GTPBP2: variants seen among roughly 807,000 people sequenced by gnomAD.
The protein encoded by GTPBP2 is GTP binding protein 2.
A neutral mutation model predicts 63.0 loss-of-function variants in GTPBP2; 32 were observed. The observed-to-expected ratio is 0.51, with a 90% CI of 0.38 to 0.68. The LOEUF is 0.68. Among genes scored for constraint, GTPBP2 ranks in the 30% least tolerant of loss-of-function variants. GTPBP2 has a pLI of 0.00. For synonymous variants in GTPBP2, 310 were observed against 322.6 expected, an observed-to-expected ratio of 0.96 and a Z score of 0.42; for missense variants, 492 against 796.9, an observed-to-expected ratio of 0.62 and a Z score of 4.61.
At position 43,625,039 on chromosome 6, in the gene GTPBP2, C is replaced by G; in HGVS notation, c.729G>C (p.Arg243=). 5 of 1,613,838 alleles carry G rather than the reference C, an allele frequency of 3.1e-6. No homozygotes were observed. Among genetic ancestry groups the G allele is most frequent in the Non-Finnish European group, 4.2e-6 (5 of 1,179,990 alleles). The change falls in exon 6 of 12, where the codon CGG becomes CGC. Residue 243 remains arginine (R), a synonymous_variant. Coordinates refer to ENST00000307126, the MANE Select transcript of GTPBP2 (RefSeq NM_019096.5). This position sits in a 1 kb window ranked among gnomAD's most constrained non-coding sequence, Gnocchi z 5.1. ...TGCTCTCACAGATCTCTTCTGCTGT[C>G]CGTGAGTCGCTGTAATTCACCACCT... ...KGEVVNYSDS[R]TAEEICESSS...
rs1056955077 is a variant in GTPBP2, at chr6:43,626,870, C to A, written c.213+52G>T. The A allele has an allele frequency of 7.3e-7, 1 of 1,361,354 alleles. No homozygotes were observed. The highest frequency in any genetic ancestry group is 1.0e-6 in the Non-Finnish European group (1 of 975,684). The allele number at this position is 1,361,354 out of a possible 1,614,324, so 84.3% of individuals were successfully genotyped here. ...GAAAGAAAAAAGAAATTATCCCACA[C>A]TGGCAAGGACAACCTACCCCAGCCC... On this transcript the variant is annotated intron_variant, in intron 2 of 11. Transcript: ENST00000307126. This position sits in a 1 kb window ranked among gnomAD's most constrained non-coding sequence, Gnocchi z 4.0.
intron 9 of GTPBP2, chr6:43,623,333 T>C (rs1343556901): frequency 1.1e-5 from 2 of 185,812 alleles, no homozygotes; most frequent in African/African-American, 4.7e-5. Context: ...GAGGTTGCAG[T>C]GAGCCAAGAT....
At chr6:43,630,125 A>G (rs1477780829), upstream of GTPBP2, among the ~76,000 whole-genome samples, 2 of 152,196 alleles carry the variant, frequency 1.3e-5, no homozygotes, top group African/African-American at 2.4e-5. Flanking sequence ...GGTTACACCA[A>G]CCACCACGAG....
In GTPBP2 at chr6:43,624,780, G is replaced by A. The variant is rs757753715; in HGVS notation, c.881-51C>T. 1.3e-6 allele frequency: 2 copies of A among 1,588,298 alleles called. No homozygotes were observed. The highest frequency in any genetic ancestry group is 1.7e-6 in the Non-Finnish European group (2 of 1,157,552). On this transcript the variant is annotated intron_variant, in intron 6 of 11. Transcript: ENST00000307126. The surrounding 1 kb of genome is among the most constrained non-coding windows in gnomAD (Gnocchi z 5.1). ...AGGAGAGAAGAGTGAGAATGCAGGA[G>A]GGAGGAGAGGGAAGAAGAGGAGCAT...
In GTPBP2 at chr6:43,621,071, A is replaced by G. The variant is rs1561921149; in HGVS notation, c.*543T>C. 7.2e-6 allele frequency: 2 copies of G among 276,786 alleles called. No individual in the cohort carries two copies. Among genetic ancestry groups the G allele is most frequent in the Non-Finnish European group, 7.2e-6 (1 of 138,542 alleles). 17.1% of individuals were successfully genotyped at this position (276,786 alleles called of 1,614,324 possible). On this transcript the variant is annotated 3_prime_UTR_variant, in exon 12 of 12. Transcript: ENST00000307126. ...CCTCAGGCCTCAGCACAGGGTGGCA[A>G]CACTACCATTCACTGTCCCTGTGCC... is the stretch of plus-strand genomic sequence containing the variant.
upstream of GTPBP2, chr6:43,629,472 G>T: frequency 1.8e-6 from 1 of 569,778 alleles, no homozygotes; most frequent in Non-Finnish European, 3.1e-6. Flanking sequence ...GCGCCTTGGC[G>T]CGCAAAGGCT....
At position 43,625,170 on chromosome 6, in the gene GTPBP2, C is replaced by T. The variant is rs1769197244; in HGVS notation, c.706-108G>A. ...GGGTGACCCTGCCTCTTAATCTTGA[C>T]CCCATTTTTTATTTAATTTAGTTGA... is the stretch of plus-strand genomic sequence containing the variant. On this transcript the variant is annotated intron_variant, in intron 5 of 11. Coordinates refer to ENST00000307126, the MANE Select transcript of GTPBP2 (RefSeq NM_019096.5). This position sits in a 1 kb window ranked among gnomAD's most constrained non-coding sequence, Gnocchi z 5.1. The T allele has an allele frequency of 2.6e-6, 3 of 1,153,614 alleles. No homozygotes were observed. Among genetic ancestry groups the T allele is most frequent in the Non-Finnish European group, 3.7e-6 (3 of 801,522 alleles). The allele number at this position is 1,153,614 out of a possible 1,614,324, so 71.5% of individuals were successfully genotyped here. A position where few individuals can be genotyped will look rare whatever the true frequency, so the allele number is the denominator to read the frequency against.
Position 43,623,000 on chromosome 6 carries a change from C to A in GTPBP2, c.1296-196G>T. 1.7e-6 allele frequency: 1 copy of A among 574,274 alleles called. No homozygotes were observed. The highest frequency in any genetic ancestry group is 3.1e-6 in the Non-Finnish European group (1 of 321,502). 35.6% of individuals were successfully genotyped at this position (574,274 alleles called of 1,614,324 possible). On this transcript the variant is annotated intron_variant, in intron 9 of 11. Transcript: ENST00000307126. The surrounding 1 kb of genome is among the most constrained non-coding windows in gnomAD (Gnocchi z 5.4). ...GAAGACTAATTTCATAAAAGGCCAGCAGTGATGGTGGACAGAGAGACACTT... is the reference window on the plus strand; with the variant it reads ...GAAGACTAATTTCATAAAAGGCCAGAAGTGATGGTGGACAGAGAGACACTT...
intron 1 of GTPBP2, chr6:43,628,470 CTGTGTGTGTGTGTGTGTG>C (rs60906505): frequency 4.9e-5 from 21 of 432,932 alleles, no homozygotes; most frequent in Non-Finnish European, 6.1e-5. Context: ...CTGGCTTAGG[CTGTGTGTGTGTGTGTGTG>C]TGTGTGTGTG....
rs1769030051 is a variant in GTPBP2, at chr6:43,623,719, G to C, written c.1295+18C>G. 1 of 1,592,112 alleles carries C rather than the reference G, an allele frequency of 6.3e-7. No homozygotes were observed. The highest frequency in any genetic ancestry group is 8.6e-7 in the Non-Finnish European group (1 of 1,160,096). ...AGGTGAGGGCTGAGTGGGGAGGGTA[G>C]CAAGCAAGACAATTTACCTGGAAAG... On this transcript the variant is annotated intron_variant, in intron 9 of 11. Coordinates refer to ENST00000307126, the MANE Select transcript of GTPBP2 (RefSeq NM_019096.5).
rs1325757425 is a variant in GTPBP2 at position 43,625,081 on chromosome 6, C to T, written c.706-19G>A. 6.2e-7 allele frequency: 1 copy of T among 1,610,962 alleles called. No homozygotes were observed. The highest frequency in any genetic ancestry group is 1.1e-5 in the South Asian group (1 of 90,936). ...TCACCACCTGGCCCAGGGCCCAGGG[C>T]CCTCAGTGCCTCCTGCCAGCCCTTC... On this transcript the variant is annotated intron_variant, in intron 5 of 11. Transcript: ENST00000307126. The surrounding 1 kb of genome is among the most constrained non-coding windows in gnomAD (Gnocchi z 5.1).
rs1003486908 is a variant in GTPBP2 at position 43,624,095 on chromosome 6, G to A, written c.1101-27C>T. 6.3e-7 allele frequency: 1 copy of A among 1,590,082 alleles called. No individual in the cohort carries two copies. Among genetic ancestry groups the A allele is most frequent in the Non-Finnish European group, 8.6e-7 (1 of 1,165,748 alleles). On this transcript the variant is annotated intron_variant, in intron 7 of 11. Transcript: ENST00000307126. The surrounding 1 kb of genome is among the most constrained non-coding windows in gnomAD (Gnocchi z 5.1). ...TGTAGAGGGAGGCATGGAATGGACAGATGAAGACAGTCCAAACAGGAGGCA... is the reference window on the plus strand; with the variant it reads ...TGTAGAGGGAGGCATGGAATGGACAAATGAAGACAGTCCAAACAGGAGGCA...
chr6:43,621,304 G>A lies in GTPBP2; in HGVS notation c.*310C>T, dbSNP rs1304643186. 5.2e-5 allele frequency: 41 copies of A among 781,784 alleles called. 1 individual carries two copies. Among genetic ancestry groups the A allele is most frequent in the South Asian group, 5.0e-4 (32 of 64,462 alleles). 48.4% of individuals were successfully genotyped at this position (781,784 alleles called of 1,614,324 possible). On this transcript the variant is annotated 3_prime_UTR_variant, in exon 12 of 12. Transcript: ENST00000307126. ...CATGCCCAGTCTTAGTAGTGGGGAC[G>A]AAGAATTGATGAGTGGATCCAGTCA...
Position 43,625,733 on chromosome 6 carries a change from G to A in GTPBP2, c.507+23C>T, listed in dbSNP as rs756045271. 6.4e-7 allele frequency: 1 copy of A among 1,558,632 alleles called. No individual in the cohort carries two copies. Among genetic ancestry groups the A allele is most frequent in the South Asian group, 1.1e-5 (1 of 90,044 alleles). On this transcript the variant is annotated intron_variant, in intron 4 of 11. Transcript: ENST00000307126. The surrounding 1 kb of genome is among the most constrained non-coding windows in gnomAD (Gnocchi z 5.1). Reference sequence around the variant, plus strand: ...GCCCTTCCACAGTGTGGACATGAGAGACAGGGATGGGTGTGTGCTCACCTG... The same window carrying A: ...GCCCTTCCACAGTGTGGACATGAGAAACAGGGATGGGTGTGTGCTCACCTG...
At position 43,625,407 on chromosome 6, in the gene GTPBP2, A is replaced by C; in HGVS notation, c.661T>G (p.Ser221Ala). 6.2e-7 allele frequency: 1 copy of C among 1,614,038 alleles called. No individual in the cohort carries two copies. Among genetic ancestry groups the C allele is most frequent in the Non-Finnish European group, 8.5e-7 (1 of 1,180,008 alleles). ...HLHEIQSGRT[S>A]SISFEILGFN... ...CCCAGGATCTCGAAGCTGATGCTGG[A>C]GGTTCGGCCAGACTGAATCTCATGC... is the stretch of plus-strand genomic sequence containing the variant. The change falls in exon 5 of 12, where the codon TCC becomes GCC. Residue 221 changes from serine (S) to alanine (A), a missense_variant. Transcript: ENST00000307126. The surrounding 1 kb of genome is among the most constrained non-coding windows in gnomAD (Gnocchi z 5.1).
In GTPBP2 at chr6:43,629,202, ACCG is replaced by A. The variant is rs1219369252; in HGVS notation, c.-43_-41del. 2.8e-6 allele frequency: 3 copies of A among 1,066,800 alleles called. No individual in the cohort carries two copies. Among genetic ancestry groups the A allele is most frequent in the Non-Finnish European group, 3.5e-6 (3 of 860,338 alleles). The allele number at this position is 1,066,800 out of a possible 1,614,324, so 66.1% of individuals were successfully genotyped here. On this transcript the variant is annotated 5_prime_UTR_variant, in exon 1 of 12. Transcript: ENST00000307126. ...AGCCCCCCGCCCGGCCCCTCCCCCG[ACCG>A]CCGCCGCCGTCGCCGCCGCCCTTAC...
In GTPBP2 at chr6:43,624,464, G is replaced by T; in HGVS notation, c.1100+46C>A. 8 of 1,399,388 alleles carry T rather than the reference G, an allele frequency of 5.7e-6. No individual in the cohort carries two copies. Among genetic ancestry groups the T allele is most frequent in the Non-Finnish European group, 8.1e-6 (8 of 992,942 alleles). 86.7% of individuals were successfully genotyped at this position (1,399,388 alleles called of 1,614,324 possible). On this transcript the variant is annotated intron_variant, in intron 7 of 11. Transcript: ENST00000307126. The surrounding 1 kb of genome is among the most constrained non-coding windows in gnomAD (Gnocchi z 5.1). ...CATGCTTCTGGGCCCTGGGCTCTGT[G>T]GCAGCCTTCCTAGTGGATCAGGGCT...
chr6:43,628,526 C>T lies in GTPBP2; in HGVS notation c.186+451G>A, dbSNP rs1016735472. 6 of 964,818 alleles carry T rather than the reference C, an allele frequency of 6.2e-6. No homozygotes were observed. In the African/African-American group the frequency reaches 1.1e-4, roughly 17 times the overall value. The allele number at this position is 964,818 out of a possible 1,614,324, so 59.8% of individuals were successfully genotyped here. On this transcript the variant is annotated intron_variant, in intron 1 of 11. Transcript: ENST00000307126. ...TGTGTAGTGAACATACTGCTCTTTT[C>T]CCGAGTACTGTGTGTGTGTCCGTGT...
At position 43,622,653 on chromosome 6, in the gene GTPBP2, C is replaced by CAA; in HGVS notation, c.1445_1446dup (p.Asp483LeufsTer11). 6.2e-7 allele frequency: 1 copy of CAA among 1,613,286 alleles called. No homozygotes were observed. Among genetic ancestry groups the CAA allele is most frequent in the Non-Finnish European group, 8.5e-7 (1 of 1,179,312 alleles). ...CTCACCTTGCGAAGCAGTGCACGGT[C>CAA]AAAGTCCCCAAGCGCCAGTGTAGCA... On this transcript the variant is annotated frameshift_variant, in exon 10 of 12. Coordinates refer to ENST00000307126, the MANE Select transcript of GTPBP2 (RefSeq NM_019096.5). LOFTEE classifies it high-confidence loss of function. The surrounding 1 kb of genome is among the most constrained non-coding windows in gnomAD (Gnocchi z 5.4).
Sources: gnomAD v4.1 joint callset for allele counts (sites outside exome capture counted in the v4.1 genomes callset) on GRCh38, gnomAD v4.1.1 for gene constraint, Gnocchi (gnomAD v3.1) non-coding constraint, MANE v1.5 for transcripts, NCBI Gene and HGNC (gene_info 2026-07-23, HGNC 2026-07-21) for gene names.